Variants in RIMS2 observed in about 807,000 individuals in gnomAD.
RIMS2 encodes the protein regulating synaptic membrane exocytosis protein 2.
RIMS2 carries 59 observed loss-of-function variants against 174.4 expected under a neutral mutation model. The ratio of observed to expected loss-of-function variants is 0.34; its 90% CI spans 0.27 to 0.42. The LOEUF (loss-of-function observed/expected upper bound fraction) is 0.42, where lower values mean the gene tolerates loss of function less well. RIMS2 is among the 10% of genes least tolerant of loss of function. RIMS2 has a pLI of 1.00. For synonymous variants in RIMS2, 606 were observed against 572.5 expected (o/e 1.06, Z -0.84); for missense variants, 1,620 against 1,666.3 (o/e 0.97, Z 0.48).
intron 1 of RIMS2, among the ~76,000 whole-genome samples, chr8:103,502,806 G>A (rs1393407544): frequency 2.6e-5 from 4 of 151,956 alleles, no homozygotes; most frequent in Admixed American, 2.0e-4. Context: ...AATGTAAAAT[G>A]TGTTTTTATT....
intron 19 of RIMS2, among the ~76,000 whole-genome samples, chr8:104,165,979 A>T (rs58495994): frequency 0.073 from 10,992 of 151,132 alleles, 528 homozygotes; most frequent in East Asian, 0.15. Context: ...TAGGGAAGAG[A>T]TGTTAGATAG....
chr8:103,813,923 T>C (rs974376660), intron 3 of RIMS2, among the ~76,000 whole-genome samples: 1 of 152,088 alleles, frequency 6.6e-6, no homozygotes, highest in Non-Finnish European at 1.5e-5. Context: ...TACCCAGTAA[T>C]GGGATAAAAA....
At chr8:104,039,808 C>G (rs140793117) in intron 19 of RIMS2, among the ~76,000 whole-genome samples, 1 of 151,748 alleles carries the variant, frequency 6.6e-6, no homozygotes, top group African/African-American at 2.4e-5. Flanking sequence ...AAAAATATAG[C>G]ATGTGTCATT....
In RIMS2 at chr8:104,138,708, A is replaced by G. The variant is rs547687087; in HGVS notation, c.3335-106208A>G. Among the ~76,000 whole-genome samples, 23 of 151,874 alleles carry G rather than the reference A, an allele frequency of 1.5e-4. No individual in the cohort carries two copies. The South Asian group carries it at 4.2e-3, about 28-fold the overall frequency. On this transcript the variant is annotated intron_variant, in intron 19 of 23. Transcript: ENST00000504942. ...GGGTAGTTTGCAAATATTTTCTCCT[A>G]TTCTGTGGATTGTCTCTTCACTTTG...
chr8:104,181,372 T>C (rs1474238576), intron 19 of RIMS2, among the ~76,000 whole-genome samples: 1 of 151,636 alleles, frequency 6.6e-6, no homozygotes, highest in Admixed American at 6.6e-5. Context: ...AGATATTACT[T>C]GTGATCATTG....
At chr8:103,754,144 G>T (rs1352997952) in intron 2 of RIMS2, among the ~76,000 whole-genome samples, 3 of 152,066 alleles carry the variant, frequency 2.0e-5, no homozygotes, top group Non-Finnish European at 2.9e-5. Context: ...GTTCTTATTG[G>T]TTTCAAAGAA....
intron 3 of RIMS2, among the ~76,000 whole-genome samples, chr8:103,822,098 A>G (rs1479529681): frequency 6.6e-6 from 1 of 151,702 alleles, no homozygotes; most frequent in Non-Finnish European, 1.5e-5. Flanking sequence ...AAAGCCATCA[A>G]TTTGGACAAT....
intron 19 of RIMS2, among the ~76,000 whole-genome samples, chr8:104,016,554 AT>A (rs1407223496): frequency 6.6e-6 from 1 of 151,992 alleles, no homozygotes; most frequent in African/African-American, 2.4e-5. Flanking sequence ...ACTTCACAGC[AT>A]TTTTATAGTT....
intron 19 of RIMS2, among the ~76,000 whole-genome samples, chr8:104,066,187 A>T (rs2154561007): frequency 6.6e-6 from 1 of 152,260 alleles, no homozygotes; most frequent in Admixed American, 6.5e-5. Flanking sequence ...CATATGGCTC[A>T]CAAAGTCTGC....
At chr8:104,124,922 A>G (rs1379650874) in intron 19 of RIMS2, among the ~76,000 whole-genome samples, 1 of 152,014 alleles carries the variant, frequency 6.6e-6, no homozygotes, top group East Asian at 1.9e-4. Flanking sequence ...GGTCATGTCT[A>G]TAGATATTTT....
chr8:103,587,439 A>C (rs2094000166), intron 1 of RIMS2, among the ~76,000 whole-genome samples: 3 of 124,006 alleles, frequency 2.4e-5, no homozygotes, highest in Admixed American at 1.5e-4. Flanking sequence ...AAAGAAAGAA[A>C]GAAAGAAAGA....
intron 1 of RIMS2, among the ~76,000 whole-genome samples, chr8:103,671,225 C>A (rs956097704): frequency 3.4e-4 from 51 of 152,152 alleles, no homozygotes; most frequent in African/African-American, 1.2e-3. Context: ...TATCTCCCAC[C>A]GAGTGCCTCC....
intron 19 of RIMS2, among the ~76,000 whole-genome samples, chr8:104,183,261 A>T (rs1359456207): frequency 1.3e-5 from 2 of 151,796 alleles, no homozygotes; most frequent in African/African-American, 4.8e-5. Flanking sequence ...GCTGTCAAGA[A>T]ATTCAAAGTT....
intron 19 of RIMS2, among the ~76,000 whole-genome samples, chr8:104,116,145 G>T (rs1027570580): frequency 1.3e-5 from 2 of 152,156 alleles, no homozygotes; most frequent in Non-Finnish European, 2.9e-5. Flanking sequence ...CATTTCTAAA[G>T]TATTCCTGTT....
intron 19 of RIMS2, among the ~76,000 whole-genome samples, chr8:104,136,848 AC>A (rs2098525037): frequency 6.6e-6 from 1 of 152,234 alleles, no homozygotes; most frequent in Non-Finnish European, 1.5e-5. Context: ...ACTAATGAGT[AC>A]TAAGCTTAAT....
chr8:104,250,917 G>T (rs1208277853), intron 22 of RIMS2, 107 bp from the exon 29 acceptor site: 2 of 932,702 alleles, frequency 2.1e-6, no homozygotes, highest in East Asian at 2.4e-5. Context: ...TGGCATGATT[G>T]CTAGCTCTTT....
At chr8:103,509,333 A>ATTG (rs1825345689) in intron 1 of RIMS2, among the ~76,000 whole-genome samples, 1 of 152,104 alleles carries the variant, frequency 6.6e-6, no homozygotes, top group African/African-American at 2.4e-5. Context: ...CCCTACTCCC[A>ATTG]TTGATAACTT....
At chr8:103,979,462 G>C (rs567827691) in intron 16 of RIMS2, among the ~76,000 whole-genome samples, 2 of 152,298 alleles carry the variant, frequency 1.3e-5, no homozygotes, top group South Asian at 4.1e-4. Context: ...TGATTCAGCA[G>C]TTCCACTACT....
At chr8:104,157,344 A>C (rs534139426) in intron 19 of RIMS2, among the ~76,000 whole-genome samples, 76 of 152,282 alleles carry the variant, frequency 5.0e-4, no homozygotes, top group African/African-American at 1.8e-3. Flanking sequence ...TGGATTTCAT[A>C]TTTTTCTTCT....
Sources: allele counts gnomAD v4.1 joint callset (sites outside exome capture counted in the v4.1 genomes callset), GRCh38; gene constraint gnomAD v4.1.1; transcripts MANE v1.5; gene names NCBI Gene and HGNC (gene_info 2026-07-23, HGNC 2026-07-21).